AP4S1: variants seen among roughly 807,000 people sequenced by gnomAD.
AP4S1 encodes the protein AP-4 complex subunit sigma-1.
In AP4S1, 23 loss-of-function variants were observed where a neutral mutation model predicts 19.8. The ratio of observed to expected loss-of-function variants is 1.16; its 90% CI spans 0.84 to 1.65. The LOEUF (loss-of-function observed/expected upper bound fraction) is 1.65. Ranked by LOEUF, AP4S1 falls within the 40% of genes most tolerant of loss-of-function variation. AP4S1 has a pLI of 0.00. For missense variants in AP4S1, 166 were observed against 172.8 expected, an observed-to-expected ratio of 0.96 and a Z score of 0.22; for synonymous variants, 46 against 54.1, an observed-to-expected ratio of 0.85 and a Z score of 0.66.
At position 31,059,945 on chromosome 14, in the gene AP4S1, ATT is replaced by A. The variant is rs1272212347; in HGVS notation, c.-71-6179_-71-6178del. Reference sequence around the variant, plus strand: ...AGGACAAAAAAATATATATATATATATTTATTTATTTATGTATATATATGTAT... The same window carrying A: ...AGGACAAAAAAATATATATATATATATATTTATTTATGTATATATATGTAT... On this transcript the variant is annotated intron_variant, in intron 1 of 5. Coordinates refer to ENST00000542754, the MANE Select transcript of AP4S1 (RefSeq NM_001128126.3). 3.8e-3 allele frequency among the ~76,000 whole-genome samples: 559 copies of A among 145,902 alleles called. 5 individuals carry two copies. Among genetic ancestry groups the A allele is most frequent in the African/African-American group, 0.013 (514 of 39,990 alleles).
intron 3 of AP4S1, 121 bp downstream of exon 3, chr14:31,070,050 C>T (rs1451936330): frequency 2.4e-6 from 2 of 818,490 alleles, no homozygotes; most frequent in East Asian, 2.6e-5. Context: ...TCTGGAGTGC[C>T]GTGGCATGAT....
At chr14:31,085,309 G>A in intron 5 of AP4S1, 1 of 998,904 alleles carries the variant, frequency 1.0e-6, no homozygotes, top group Non-Finnish European at 1.2e-6. Flanking sequence ...AAGACTAGGG[G>A]CAGGAATGAT....
chr14:31,032,744 C>G (rs1436336997), intron 1 of AP4S1, among the ~76,000 whole-genome samples: 2 of 152,056 alleles, frequency 1.3e-5, no homozygotes, highest in Non-Finnish European at 2.9e-5. Flanking sequence ...CTATGTTGGC[C>G]AGGCTGGTCT....
chr14:31,083,295 A>G (rs1365477886), intron 5 of AP4S1, among the ~76,000 whole-genome samples: 1 of 152,014 alleles, frequency 6.6e-6, no homozygotes, highest in East Asian at 1.9e-4. Flanking sequence ...AGTTATATGT[A>G]TTTACTGTCC....
chr14:31,041,167 T>C (rs1885089662), intron 1 of AP4S1, among the ~76,000 whole-genome samples: 3 of 152,150 alleles, frequency 2.0e-5, no homozygotes, highest in Non-Finnish European at 2.9e-5. Context: ...TTTTTGTTTT[T>C]GAGACGGAGT....
chr14:31,045,870 G>C (rs1387588894), intron 1 of AP4S1, among the ~76,000 whole-genome samples: 1 of 151,958 alleles, frequency 6.6e-6, no homozygotes, highest in African/African-American at 2.4e-5. Context: ...TCAGGGTGGG[G>C]CCAGTCTAGG....
chr14:31,096,108 A>AT lies in AP4S1; in HGVS notation c.*3073_*3074insT, dbSNP rs1180495262. On this transcript the variant is annotated 3_prime_UTR_variant, in exon 6 of 6. Coordinates refer to ENST00000542754, the MANE Select transcript of AP4S1 (RefSeq NM_001128126.3). ...CCGTCTCAAAAAAAAAAAAAAAAAA[A>AT]AAAGTAGAAAGCAAGAAAGTGTCTC... 6.6e-6 allele frequency: 1 copy of AT among 151,178 alleles called. No homozygotes were observed. The highest frequency in any genetic ancestry group is 2.5e-5 in the African/African-American group (1 of 40,682). The allele number at this position is 151,178 out of a possible 1,614,324, so 9.4% of individuals were successfully genotyped here.
chr14:31,065,127 G>C (rs1056497104), intron 1 of AP4S1, among the ~76,000 whole-genome samples: 1 of 152,084 alleles, frequency 6.6e-6, no homozygotes, highest in African/African-American at 2.4e-5. Context: ...TGTCTCCATT[G>C]CCCATAAAAT....
chr14:31,090,134 G>A (rs1240342160), intron 5 of AP4S1, among the ~76,000 whole-genome samples: 9 of 152,082 alleles, frequency 5.9e-5, no homozygotes, highest in East Asian at 5.9e-4. Context: ...GATTACAGGC[G>A]TGTGCCACCA....
chr14:31,056,498 A>C (rs556575534), intron 1 of AP4S1, among the ~76,000 whole-genome samples: 1 of 152,202 alleles, frequency 6.6e-6, no homozygotes, highest in East Asian at 1.9e-4. Flanking sequence ...AGCTAGGATT[A>C]CAGGTGTCCG....
Position 31,025,800 on chromosome 14 carries a change from CG to C in AP4S1, c.-72+15del, listed in dbSNP as rs1430693045. On this transcript the variant is annotated intron_variant, in intron 1 of 5. Transcript: ENST00000542754. ...CTGAGCAGCACAGGTAGGTTCCGCT[CG>C]GCCTCCCAAGGCGCCGGCTCCGGCT... The C allele has an allele frequency of 1.0e-5, 15 of 1,480,970 alleles. No individual in the cohort carries two copies. In the Admixed American group the frequency reaches 3.1e-4, roughly 30 times the overall value. 91.7% of individuals were successfully genotyped at this position (1,480,970 alleles called of 1,614,324 possible). A position where few individuals can be genotyped will look rare whatever the true frequency, so the allele number is the denominator to read the frequency against.
intron 5 of AP4S1, among the ~76,000 whole-genome samples, chr14:31,082,085 A>G (rs1237480470): frequency 9.2e-5 from 14 of 152,100 alleles, no homozygotes. Context: ...ATTGCTATTT[A>G]CTTGTTATTA....
At chr14:31,040,130 A>G (rs1046361490) in intron 1 of AP4S1, among the ~76,000 whole-genome samples, 1 of 150,338 alleles carries the variant, frequency 6.7e-6, no homozygotes, top group East Asian at 2.0e-4. Context: ...GTTTGTGTAA[A>G]GTCAAATTAC....
At chr14:31,075,518 A>C (rs1325367800) in intron 4 of AP4S1, among the ~76,000 whole-genome samples, 1 of 151,956 alleles carries the variant, frequency 6.6e-6, no homozygotes, top group Non-Finnish European at 1.5e-5. Flanking sequence ...TAATGTATTG[A>C]TTTCCTTTCT....
intron 1 of AP4S1, among the ~76,000 whole-genome samples, chr14:31,055,093 GTAAA>G (rs1566524683): frequency 6.7e-6 from 1 of 149,970 alleles, no homozygotes; most frequent in African/African-American, 2.4e-5. Flanking sequence ...TGTATATCAT[GTAAA>G]TAATTAAATA....
At chr14:31,038,851 A>C (rs1658059563) in intron 1 of AP4S1, among the ~76,000 whole-genome samples, 1 of 152,120 alleles carries the variant, frequency 6.6e-6, no homozygotes, top group Non-Finnish European at 1.5e-5. Flanking sequence ...TGAGTTGGTG[A>C]GTTGGGTGGT....
intron 5 of AP4S1, among the ~76,000 whole-genome samples, chr14:31,090,228 T>C (rs961492866): frequency 6.6e-6 from 1 of 152,110 alleles, no homozygotes; most frequent in African/African-American, 2.4e-5. Flanking sequence ...TCACGTAATC[T>C]GCCCACCTCA....
chr14:31,073,395 C>A (rs1445411270), intron 4 of AP4S1, among the ~76,000 whole-genome samples: 12 of 134,160 alleles, frequency 8.9e-5, no homozygotes, highest in Admixed American at 1.6e-4. Flanking sequence ...GAGGCTGAGG[C>A]AGGAGAATGG....
chr14:31,054,449 C>T (rs1594661168), intron 1 of AP4S1, among the ~76,000 whole-genome samples: 1 of 151,906 alleles, frequency 6.6e-6, no homozygotes, highest in South Asian at 2.1e-4. Flanking sequence ...TTTGGGAGGC[C>T]GAGGTGGGCG....
Sources: gnomAD v4.1 joint callset for allele counts (sites outside exome capture counted in the v4.1 genomes callset) on GRCh38, gnomAD v4.1.1 for gene constraint, MANE v1.5 for transcripts, NCBI Gene and HGNC (gene_info 2026-07-23, HGNC 2026-07-21) for gene names.